ZNF44: variants seen among roughly 807,000 people sequenced by gnomAD.
ZNF44 encodes the protein zinc finger protein 44, also known as gonadotropin inducible transcription repressor-2.
ZNF44 carries 9 observed loss-of-function variants against 11.7 expected under a neutral mutation model. That is an observed-to-expected ratio of 0.77 (90% CI 0.46 to 1.35). The LOEUF (loss-of-function observed/expected upper bound fraction) is 1.35. ZNF44 is among the 40% of genes most tolerant of loss of function. ZNF44 has a pLI of 0.00. For missense variants in ZNF44, 696 were observed against 743.1 expected (o/e 0.94, Z 0.74); for synonymous variants, 224 against 242.7 (o/e 0.92, Z 0.72).
In ZNF44 at chr19:12,277,567, G is replaced by A. The variant is rs145625071; in HGVS notation, c.4-1485C>T. Among the ~76,000 whole-genome samples, 928 of 152,138 alleles carry A rather than the reference G, an allele frequency of 6.1e-3. 9 individuals carry two copies. Among genetic ancestry groups the A allele is most frequent in the Non-Finnish European group, 9.4e-3 (637 of 67,970 alleles). ...GTAGACAGCTTTACAAAAACAAACA[G>A]AAGATTTAAAACTGTAATTTTTCAC... On this transcript the variant is annotated intron_variant, in intron 1 of 3. Coordinates refer to ENST00000355684, the MANE Select transcript of ZNF44 (RefSeq NM_016264.4).
chr19:12,244,844 C>T (rs75466930), downstream of ZNF44, among the ~76,000 whole-genome samples: 203 of 152,248 alleles, frequency 1.3e-3, 4 homozygotes, highest in East Asian at 0.037. Flanking sequence ...CCAATACAAA[C>T]ACCTCACTTT....
intron 7 of ZNF44, among the ~76,000 whole-genome samples, chr19:12,249,095 C>T (rs1916879925): frequency 6.6e-6 from 1 of 151,854 alleles, no homozygotes; most frequent in Non-Finnish European, 1.5e-5. Flanking sequence ...CACTATGTTG[C>T]CGAGGCTGGT....
chr19:12,277,905 T>C (rs529580153), intron 1 of ZNF44, among the ~76,000 whole-genome samples: 1 of 152,310 alleles, frequency 6.6e-6, no homozygotes, highest in Admixed American at 6.5e-5. Flanking sequence ...CTTTAAAATG[T>C]TGTAAAATAC....
intron 1 of ZNF44, among the ~76,000 whole-genome samples, chr19:12,281,384 T>C (rs1967471395): frequency 6.6e-6 from 1 of 152,140 alleles, no homozygotes; most frequent in Admixed American, 6.5e-5. Context: ...GCAATGTTGA[T>C]GAAAAGTGAT....
At chr19:12,245,854 A>G (rs1006399650), downstream of ZNF44, among the ~76,000 whole-genome samples, 1 of 150,820 alleles carries the variant, frequency 6.6e-6, no homozygotes, top group Non-Finnish European at 1.5e-5. Flanking sequence ...GCAGAACTTA[A>G]GAAGGCTGCA....
intron 1 of ZNF44, chr19:12,284,424 G>A (rs574855466): frequency 1.0e-4 from 64 of 631,914 alleles, no homozygotes; most frequent in African/African-American, 9.9e-4. Flanking sequence ...CGGAGATTTC[G>A]GCAGTGGCAT....
At chr19:12,258,399 A>G (rs1917358513) in intron 5 of ZNF44, among the ~76,000 whole-genome samples, 1 of 151,368 alleles carries the variant, frequency 6.6e-6, no homozygotes, top group Non-Finnish European at 1.5e-5. Context: ...CCATACAACC[A>G]TTAATGGTTT....
chr19:12,254,569 C>A (rs1917162598), intron 5 of ZNF44, among the ~76,000 whole-genome samples: 1 of 152,046 alleles, frequency 6.6e-6, no homozygotes, highest in South Asian at 2.1e-4. Context: ...CCTGTCTCTA[C>A]TAAAAATACA....
chr19:12,264,243 T>A (rs1917640543), intron 5 of ZNF44, among the ~76,000 whole-genome samples: 1 of 152,022 alleles, frequency 6.6e-6, no homozygotes, highest in Admixed American at 6.6e-5. Context: ...ACCAAAGGGG[T>A]CTTTCCTTGA....
chr19:12,294,872 C>T lies in ZNF44; in HGVS notation c.-178G>A. On this transcript the variant is annotated 5_prime_UTR_variant, in exon 1 of 4. Transcript: ENST00000355684. ...ACGTCACACCCTCCTCTCTGCCTCG[C>T]GCCTGATTGACAATTCTCAGGAACC... 1.5e-6 allele frequency: 1 copy of T among 684,108 alleles called. No individual in the cohort carries two copies. Among genetic ancestry groups the T allele is most frequent in the Non-Finnish European group, 2.3e-6 (1 of 436,486 alleles). The allele number at this position is 684,108 out of a possible 1,614,324, so 42.4% of individuals were successfully genotyped here.
intron 1 of ZNF44, among the ~76,000 whole-genome samples, chr19:12,292,589 C>T (rs193025168): frequency 6.6e-6 from 1 of 152,232 alleles, no homozygotes; most frequent in Admixed American, 6.5e-5. Context: ...CATCCGCCAG[C>T]CCCACGGTGC....
At chr19:12,266,242 C>G (rs1917722525) in intron 5 of ZNF44, 2 of 985,332 alleles carry the variant, frequency 2.0e-6, no homozygotes, top group Non-Finnish European at 2.4e-6. Flanking sequence ...GCCCCTCCTC[C>G]CGCGTGTCGG....
At chr19:12,230,209 G>GA (rs1291853881) in intron 3 of ZNF44, among the ~76,000 whole-genome samples, 4 of 152,202 alleles carry the variant, frequency 2.6e-5, no homozygotes, top group African/African-American at 9.7e-5. Flanking sequence ...GAGGGTGTGG[G>GA]AATGTGGGAT....
intron 1 of ZNF44, among the ~76,000 whole-genome samples, chr19:12,281,695 G>A (rs1386121856): frequency 6.6e-6 from 1 of 151,988 alleles, no homozygotes; most frequent in African/African-American, 2.4e-5. Context: ...GAAAAAAGAG[G>A]AGCCATCACT....
At chr19:12,227,207 C>T (rs1307328556) in intron 3 of ZNF44, among the ~76,000 whole-genome samples, 2 of 152,226 alleles carry the variant, frequency 1.3e-5, no homozygotes, top group African/African-American at 4.8e-5. Context: ...TTTTCAGAAA[C>T]TTGCATTCAA....
At position 12,294,678 on chromosome 19, in the gene ZNF44, C is replaced by T. The variant is rs1165085130; in HGVS notation, c.3+14G>A. On this transcript the variant is annotated intron_variant, in intron 1 of 3. Transcript: ENST00000355684. ...CTTCGCCCTGCCTCAGGACGCCGGG[C>T]CCCGCACACTCACCATTTCCCGGCT... The T allele has an allele frequency of 1.3e-6, 2 of 1,560,530 alleles. No individual in the cohort carries two copies. Among genetic ancestry groups the T allele is most frequent in the South Asian group, 2.4e-5 (2 of 84,534 alleles).
downstream of ZNF44, among the ~76,000 whole-genome samples, chr19:12,247,069 G>T (rs1241592709): frequency 1.3e-5 from 2 of 151,256 alleles, no homozygotes; most frequent in Non-Finnish European, 2.9e-5. Context: ...TAAAAACTAG[G>T]AAGAATCAAA....
At position 12,284,814 on chromosome 19, in the gene ZNF44, G is replaced by A; in HGVS notation, c.4-8732C>T. On this transcript the variant is annotated intron_variant, in intron 1 of 3. Coordinates refer to ENST00000355684, the MANE Select transcript of ZNF44 (RefSeq NM_016264.4). ...TGTCCTCGTGCGCAGAGGCTACTGG[G>A]GGAACAAGATCGGCAAGCCCCACAC... 8 of 1,195,116 alleles carry A rather than the reference G, an allele frequency of 6.7e-6. No individual in the cohort carries two copies. In the South Asian group the frequency reaches 1.1e-4, roughly 16 times the overall value. 74.0% of individuals were successfully genotyped at this position (1,195,116 alleles called of 1,614,324 possible). A position where few individuals can be genotyped will look rare whatever the true frequency, so the allele number is the denominator to read the frequency against.
Position 12,272,564 on chromosome 19 carries a change from T to C in ZNF44, c.1691A>G (p.His564Arg). 1 of 1,613,348 alleles carries C rather than the reference T, an allele frequency of 6.2e-7. No individual in the cohort carries two copies. Among genetic ancestry groups the C allele is most frequent in the Non-Finnish European group, 8.5e-7 (1 of 1,179,756 alleles). The change falls in exon 4 of 4, where the codon CAC becomes CGC. Residue 564 changes from histidine to arginine, a missense_variant. By Grantham distance (29) the His-to-Arg change is conservative. Transcript: ENST00000355684. ...GGAACGACTGAAGGCTTTACCACAG[T>C]GTTTACATTCATAGGGTCTTTCTCC... ...HTGERPYECK[H>R]CGKAFSRSSF...
Sources: allele counts gnomAD v4.1 joint callset (sites outside exome capture counted in the v4.1 genomes callset), GRCh38; gene constraint gnomAD v4.1.1; transcripts MANE v1.5; gene names NCBI Gene and HGNC (gene_info 2026-07-23, HGNC 2026-07-21).